RNF144A: variants seen among roughly 807,000 people sequenced by gnomAD.
The protein encoded by RNF144A is ring finger protein 144A.
RNF144A carries 11 observed loss-of-function variants against 38.7 expected under a neutral mutation model. The observed-to-expected ratio is 0.28, with a 90% CI of 0.18 to 0.47. The LOEUF is 0.47. Ranked by LOEUF, RNF144A falls within the 20% of genes least tolerant of loss-of-function variation. The probability of loss-of-function intolerance (pLI) is 0.99; values close to 1 mark genes in which losing one functional copy is unlikely to be tolerated. For missense variants in RNF144A, 316 were observed against 377.2 expected (o/e 0.84, Z 1.34); for synonymous variants, 149 against 143.9 (o/e 1.04, Z -0.25).
At chr2:6,979,083 A>G (rs766143344) in intron 2 of RNF144A, among the ~76,000 whole-genome samples, 1 of 152,110 alleles carries the variant, frequency 6.6e-6, no homozygotes, top group Non-Finnish European at 1.5e-5. Context: ...CTGAGTGCCT[A>G]TTGGAGTCTA....
intron 2 of RNF144A, among the ~76,000 whole-genome samples, chr2:6,951,622 TG>T (rs1666685007): frequency 1.3e-5 from 2 of 152,346 alleles, no homozygotes; most frequent in South Asian, 4.1e-4. Flanking sequence ...CATGTATTTA[TG>T]TCTGAAATTT....
At chr2:7,046,027 T>C (rs150734420), downstream of RNF144A, among the ~76,000 whole-genome samples, 9 of 152,364 alleles carry the variant, frequency 5.9e-5, no homozygotes, top group African/African-American at 2.2e-4. Context: ...CAAAGAGTCT[T>C]ATCAACTCTT....
chr2:7,012,814 C>T (rs781498682), intron 3 of RNF144A, among the ~76,000 whole-genome samples: 17 of 152,104 alleles, frequency 1.1e-4, no homozygotes, highest in Non-Finnish European at 2.4e-4. Context: ...AGCCTGGGGT[C>T]GTCCATACTC....
chr2:7,040,289 G>C lies in RNF144A; in HGVS notation c.*529G>C. On this transcript the variant is annotated 3_prime_UTR_variant, in exon 9 of 9. Transcript: ENST00000320892. ...ACTGAGTAGTGAAAATCAACAAGGT[G>C]CATATAAACCATCCTATGCCTTTCT... is the stretch of plus-strand genomic sequence containing the variant. 1 of 985,740 alleles carries C rather than the reference G, an allele frequency of 1.0e-6. No homozygotes were observed. The highest frequency in any genetic ancestry group is 1.2e-6 in the Non-Finnish European group (1 of 830,202). 61.1% of individuals were successfully genotyped at this position (985,740 alleles called of 1,614,324 possible).
chr2:6,946,505 T>G (rs991171053), intron 2 of RNF144A, among the ~76,000 whole-genome samples: 1 of 151,918 alleles, frequency 6.6e-6, no homozygotes, highest in Admixed American at 6.6e-5. Context: ...ATATATGATA[T>G]AAATAAATAT....
chr2:6,998,416 G>A (rs1429132690), intron 3 of RNF144A, among the ~76,000 whole-genome samples: 1 of 152,172 alleles, frequency 6.6e-6, no homozygotes, highest in East Asian at 1.9e-4. Context: ...TAAGGAGAGG[G>A]AGCTTTACAA....
intron 5 of RNF144A, among the ~76,000 whole-genome samples, chr2:7,016,431 T>A (rs1366792080): frequency 2.0e-5 from 3 of 152,194 alleles, no homozygotes; most frequent in Non-Finnish European, 4.4e-5. Flanking sequence ...GAATTTAATT[T>A]AAAAATGCAG....
downstream of RNF144A, among the ~76,000 whole-genome samples, chr2:7,047,944 TC>T (rs1207491119): frequency 6.6e-6 from 1 of 152,162 alleles, no homozygotes; most frequent in Non-Finnish European, 1.5e-5. Context: ...GACCCAGTGT[TC>T]CTCCCACCAC....
chr2:6,975,130 G>A (rs546679538), intron 2 of RNF144A, among the ~76,000 whole-genome samples: 1 of 152,162 alleles, frequency 6.6e-6, no homozygotes, highest in Non-Finnish European at 1.5e-5. Flanking sequence ...GGTTTAATTG[G>A]ACTGACATTT....
Position 7,039,890 on chromosome 2 carries a change from C to A in RNF144A, c.*130C>A. ...CCCCATTGAGCTTCACAGTGTCAGGCTGGACGCCGTGATTTCAGGGACCTA... is the reference window on the plus strand; with the variant it reads ...CCCCATTGAGCTTCACAGTGTCAGGATGGACGCCGTGATTTCAGGGACCTA... On this transcript the variant is annotated 3_prime_UTR_variant, in exon 9 of 9. Coordinates refer to ENST00000320892, the MANE Select transcript of RNF144A (RefSeq NM_014746.6). The A allele has an allele frequency of 8.2e-6, 12 of 1,455,672 alleles. No homozygotes were observed. Among genetic ancestry groups the A allele is most frequent in the Non-Finnish European group, 1.1e-5 (12 of 1,103,624 alleles). The allele number at this position is 1,455,672 out of a possible 1,614,324, so 90.2% of individuals were successfully genotyped here.
Position 7,041,873 on chromosome 2 carries a change from G to T in RNF144A, c.*2113G>T. On this transcript the variant is annotated 3_prime_UTR_variant, in exon 9 of 9. Transcript: ENST00000320892. ...GCATCCCCAGGGCTAGAGCTCAGAT[G>T]ACCTTATTTCTAGAGGGACAGGCTG... 1 of 985,468 alleles carries T rather than the reference G, an allele frequency of 1.0e-6. No individual in the cohort carries two copies. The highest frequency in any genetic ancestry group is 1.2e-6 in the Non-Finnish European group (1 of 829,984). 61.0% of individuals were successfully genotyped at this position (985,468 alleles called of 1,614,324 possible).
intron 1 of RNF144A, among the ~76,000 whole-genome samples, chr2:6,924,800 T>C (rs989109611): frequency 3.3e-5 from 5 of 152,240 alleles, no homozygotes; most frequent in African/African-American, 1.2e-4. Flanking sequence ...TGAGGAGCCA[T>C]CCTTTGTGTT....
chr2:7,033,183 C>CA (rs1413668767), intron 8 of RNF144A, among the ~76,000 whole-genome samples: 1 of 152,268 alleles, frequency 6.6e-6, no homozygotes, highest in Non-Finnish European at 1.5e-5. Context: ...TTACCATCCT[C>CA]ACATGTATTT....
chr2:7,014,805 C>T, intron 5 of RNF144A, 33 bp downstream of exon 5: 1 of 1,473,140 alleles, frequency 6.8e-7, no homozygotes, highest in Non-Finnish European at 9.5e-7. Context: ...GGTTATGATT[C>T]CTGTAATGTG....
intron 2 of RNF144A, among the ~76,000 whole-genome samples, chr2:6,991,265 T>TC (rs1057363189): frequency 2.0e-5 from 3 of 152,274 alleles, no homozygotes; most frequent in Middle Eastern, 3.4e-3. Context: ...GGAGACAGCG[T>TC]CCAAGTACTT....
chr2:6,963,722 A>G (rs1667482313), intron 2 of RNF144A, among the ~76,000 whole-genome samples: 2 of 152,144 alleles, frequency 1.3e-5, no homozygotes, highest in South Asian at 2.1e-4. Context: ...TTACATATCT[A>G]GAGTTAAAAC....
intron 6 of RNF144A, among the ~76,000 whole-genome samples, chr2:7,065,677 T>G (rs1290753864): frequency 2.6e-5 from 4 of 152,220 alleles, no homozygotes; most frequent in Non-Finnish European, 5.9e-5. Context: ...TAATGAACTC[T>G]CTTCATATTT....
At chr2:6,985,374 G>A (rs940061582) in intron 2 of RNF144A, among the ~76,000 whole-genome samples, 8 of 150,460 alleles carry the variant, frequency 5.3e-5, no homozygotes, top group African/African-American at 9.8e-5. Flanking sequence ...CTCCCTTGGT[G>A]GCCATTCTTC....
rs553349614 is a variant in RNF144A, at chr2:7,030,850, T to G, written c.747+635T>G. Among the ~76,000 whole-genome samples the G allele has an allele frequency of 2.0e-5, 3 of 152,022 alleles. No homozygotes were observed. In the South Asian group the frequency reaches 6.2e-4, roughly 32 times the overall value. ...AGAATCAGTGGGAGCCCTGAGCTTG[T>G]TTTCCTGCAACTAGATGGTCCCATC... On this transcript the variant is annotated intron_variant, in intron 8 of 8. Transcript: ENST00000320892.
Sources: allele counts gnomAD v4.1 joint callset (sites outside exome capture counted in the v4.1 genomes callset), GRCh38; gene constraint gnomAD v4.1.1; transcripts MANE v1.5; gene names NCBI Gene and HGNC (gene_info 2026-07-23, HGNC 2026-07-21).